Variants in MROH1 observed in about 807,000 individuals in gnomAD.
The protein encoded by MROH1 is maestro heat-like repeat-containing protein family member 1.
In MROH1, 117 loss-of-function variants were observed where a neutral mutation model predicts 116.5. The observed-to-expected ratio is 1.00, with a 90% CI of 0.86 to 1.17. MROH1 has a LOEUF of 1.17. MROH1 is among the 50% of genes most tolerant of loss of function. The probability of loss-of-function intolerance (pLI) is 0.00; values close to 1 mark genes in which losing one functional copy is unlikely to be tolerated. For synonymous variants in MROH1, 921 were observed against 583.9 expected, an observed-to-expected ratio of 1.58 and a Z score of -8.32; for missense variants, 1,873 against 1,338.5, an observed-to-expected ratio of 1.40 and a Z score of -6.23.
chr8:144,152,722 A>G (rs1464723794), intron 1 of MROH1, among the ~76,000 whole-genome samples: 2 of 151,526 alleles, frequency 1.3e-5, no homozygotes, highest in African/African-American at 4.9e-5. Flanking sequence ...AATTTTTTGT[A>G]TTTTTTAGTA....
chr8:144,153,099 C>G (rs1455765493), intron 1 of MROH1, among the ~76,000 whole-genome samples: 1 of 152,178 alleles, frequency 6.6e-6, no homozygotes, highest in Admixed American at 6.5e-5. Context: ...AGTTGGGATT[C>G]CACGTGTGAG....
At chr8:144,156,479 G>A (rs1297301196) in intron 1 of MROH1, among the ~76,000 whole-genome samples, 2 of 151,982 alleles carry the variant, frequency 1.3e-5, no homozygotes, top group South Asian at 2.1e-4. Flanking sequence ...GGCCGAGGCC[G>A]GCGGATTGCC....
rs928879397 is a variant in MROH1, at chr8:144,182,715, C to A, written c.562+2192C>A. Among the ~76,000 whole-genome samples the A allele has an allele frequency of 1.3e-5, 2 of 152,214 alleles. No individual in the cohort carries two copies. The highest frequency in any genetic ancestry group is 4.8e-5 in the African/African-American group (2 of 41,536). On this transcript the variant is annotated intron_variant, in intron 7 of 43. Coordinates refer to ENST00000326134, the MANE Select transcript of MROH1 (RefSeq NM_032450.3). The surrounding 1 kb of genome is among the most constrained non-coding windows in gnomAD (Gnocchi z 4.1). ...TGAACTAGCAGGCTGAACCCTGAAG[C>A]CAGCATTCCAATCAGAGGCACCCTA...
chr8:144,260,030 C>CA lies in MROH1; in HGVS notation c.4166dup (p.Asn1389LysfsTer8). Reference sequence around the variant, plus strand: ...GGAGGCTGGTGCTCCGCGGCCTGGCCAACCTGGCCTCCGGCTGCCCTGACA... The same window carrying CA: ...GGAGGCTGGTGCTCCGCGGCCTGGCCAAACCTGGCCTCCGGCTGCCCTGACA... On this transcript the variant is annotated frameshift_variant, in exon 38 of 44. Coordinates refer to ENST00000326134, the MANE Select transcript of MROH1 (RefSeq NM_032450.3). LOFTEE classifies it high-confidence loss of function. 4 of 725,504 alleles carry CA rather than the reference C, an allele frequency of 5.5e-6. No homozygotes were observed. Among genetic ancestry groups the CA allele is most frequent in the Non-Finnish European group, 7.5e-6 (3 of 397,352 alleles). The allele number at this position is 725,504 out of a possible 1,614,324, so 44.9% of individuals were successfully genotyped here. A position where few individuals can be genotyped will look rare whatever the true frequency, so the allele number is the denominator to read the frequency against.
In MROH1 at chr8:144,240,646, T is replaced by C. The variant is rs1228183668; in HGVS notation, c.1904T>C (p.Leu635Pro). The change falls in exon 20 of 44, where the codon CTG becomes CCG. Residue 635 changes from leucine (L) to proline (P), a missense_variant. Leu to Pro is a moderately conservative substitution (Grantham distance 98). Coordinates refer to ENST00000326134, the MANE Select transcript of MROH1 (RefSeq NM_032450.3). ...CQLSLELCRQ[L>P]PCYDEAPQEK... is the part of the protein sequence containing the mutation. ...CTGAGCCTGGAGCTGTGCAGGCAGC[T>C]GCCCTGCTACGATGAGGCACCCCAG... 3 of 717,340 alleles carry C rather than the reference T, an allele frequency of 4.2e-6. No homozygotes were observed. In the East Asian group the frequency reaches 8.0e-5, roughly 19 times the overall value. 44.4% of individuals were successfully genotyped at this position (717,340 alleles called of 1,614,324 possible).
intron 36 of MROH1, 44 bp downstream of exon 36, chr8:144,258,958 C>A: frequency 1.4e-6 from 1 of 695,124 alleles, no homozygotes; most frequent in East Asian, 2.7e-5. Flanking sequence ...TGGCTGGGCT[C>A]CACCGGATCT....
intron 14 of MROH1, among the ~76,000 whole-genome samples, chr8:144,228,129 A>G (rs1452653335): frequency 6.6e-6 from 1 of 151,986 alleles, no homozygotes; most frequent in African/African-American, 2.4e-5. Context: ...CAGCTGCTCA[A>G]GAGGCTGAGG....
chr8:144,226,735 G>A (rs1006218823), intron 14 of MROH1, among the ~76,000 whole-genome samples: 1 of 152,268 alleles, frequency 6.6e-6, no homozygotes, highest in African/African-American at 2.4e-5. Context: ...TTACAGGCGT[G>A]AGCCACCATG....
At chr8:144,205,944 C>T (rs1832717324) in intron 12 of MROH1, among the ~76,000 whole-genome samples, 1 of 152,180 alleles carries the variant, frequency 6.6e-6, no homozygotes, top group African/African-American at 2.4e-5. Flanking sequence ...ATTGTTCACC[C>T]ATATGACTAC....
At chr8:144,221,330 A>C (rs1245918079) in intron 13 of MROH1, among the ~76,000 whole-genome samples, 1 of 152,162 alleles carries the variant, frequency 6.6e-6, no homozygotes, top group African/African-American at 2.4e-5. Context: ...CATTCTTACC[A>C]GGCCAGATGT....
At chr8:144,208,900 T>G (rs1353376415) in intron 12 of MROH1, among the ~76,000 whole-genome samples, 2 of 151,880 alleles carry the variant, frequency 1.3e-5, no homozygotes, top group African/African-American at 4.8e-5. Context: ...ATTTTTGTGT[T>G]TTTAGTAGAG....
In MROH1 at chr8:144,168,341, G is replaced by A. The variant is rs373174190; in HGVS notation, c.69G>A (p.Leu23=). Reference sequence around the variant, plus strand: ...ACGCCATCACCGATAAGGACCCCCTGGTGCAGGAGCAGGTCTGCAGTGCCC... The same window carrying A: ...ACGCCATCACCGATAAGGACCCCCTAGTGCAGGAGCAGGTCTGCAGTGCCC... The part of the protein sequence containing the change: ...LLDAITDKDP[L]VQEQVCSALC... Residue 23 remains leucine (L), a synonymous_variant, in exon 4 of 44, where the codon CTG becomes CTA. Coordinates refer to ENST00000326134, the MANE Select transcript of MROH1 (RefSeq NM_032450.3). 24 of 1,610,436 alleles carry A rather than the reference G, an allele frequency of 1.5e-5. No homozygotes were observed. The South Asian group carries it at 2.4e-4, about 16-fold the overall frequency.
In MROH1 at chr8:144,216,238, G is replaced by C. The variant is rs141505119; in HGVS notation, c.1142-4362G>C. Among the ~76,000 whole-genome samples the C allele has an allele frequency of 2.9e-3, 448 of 152,076 alleles. 3 individuals are homozygous for C. The highest frequency in any genetic ancestry group is 0.01 in the African/African-American group (423 of 41,468). ...GCCTGTAATCCCAGCACTTTTGGAGGCTGAGGTGGGCAGATCACGAGGTCA... is the reference window on the plus strand; with the variant it reads ...GCCTGTAATCCCAGCACTTTTGGAGCCTGAGGTGGGCAGATCACGAGGTCA... On this transcript the variant is annotated intron_variant, in intron 12 of 43. Coordinates refer to ENST00000326134, the MANE Select transcript of MROH1 (RefSeq NM_032450.3).
rs1257333638 is a variant in MROH1, at chr8:144,239,324, G to A, written c.1593G>A (p.Ala531=). The change falls in exon 17 of 44, where the codon GCG becomes GCA. Residue 531 remains alanine, a splice_region_variant and synonymous_variant. Coordinates refer to ENST00000326134, the MANE Select transcript of MROH1 (RefSeq NM_032450.3). ...ACTATTTCCACCTCTCATCTCCAGC[G>A]AGCCTCCCGTCTCCCTATGCTGTAA... is the stretch of plus-strand genomic sequence containing the variant. The part of the protein sequence containing the change: ...DAFLIQYDAH[A]SLPSPYAVTG... 48 of 780,050 alleles carry A rather than the reference G, an allele frequency of 6.2e-5. 1 individual carries two copies. The highest frequency in any genetic ancestry group is 9.6e-5 in the Non-Finnish European group (40 of 417,788). 48.3% of individuals were successfully genotyped at this position (780,050 alleles called of 1,614,324 possible). A position where few individuals can be genotyped will look rare whatever the true frequency, so the allele number is the denominator to read the frequency against.
intron 12 of MROH1, among the ~76,000 whole-genome samples, chr8:144,201,466 A>T (rs1461778976): frequency 1.3e-5 from 2 of 152,232 alleles, no homozygotes; most frequent in African/African-American, 2.4e-5. Flanking sequence ...CACAGTGGCC[A>T]TGGCCCACCG....
At chr8:144,238,907 T>C in intron 15 of MROH1, 44 bp downstream of exon 15, 1 of 769,594 alleles carries the variant, frequency 1.3e-6, no homozygotes, top group Non-Finnish European at 2.4e-6. Context: ...AACAGAGCTC[T>C]CCAGGGCAGT....
chr8:144,226,464 T>C (rs1222197365), intron 14 of MROH1, among the ~76,000 whole-genome samples: 1 of 152,198 alleles, frequency 6.6e-6, no homozygotes, highest in Non-Finnish European at 1.5e-5. Flanking sequence ...CGTTGTTCTT[T>C]TTTTTTGAGA....
rs962228987 is a variant in MROH1, at chr8:144,261,669, C to A, written c.4855C>A (p.Leu1619Met). The A allele has an allele frequency of 9.7e-6, 7 of 724,260 alleles. No homozygotes were observed. Among genetic ancestry groups the A allele is most frequent in the Middle Eastern group, 3.5e-4 (1 of 2,834 alleles). The allele number at this position is 724,260 out of a possible 1,614,324, so 44.9% of individuals were successfully genotyped here. A position where few individuals can be genotyped will look rare whatever the true frequency, so the allele number is the denominator to read the frequency against. Residue 1619 changes from leucine (L) to methionine (M), a missense_variant, in exon 44 of 44, where the codon CTG becomes ATG. Transcript: ENST00000326134. ...DQLIAALQIL[L>M]KDPAPEVRTR... The stretch of plus-strand genomic sequence containing the variant: ...TCTACCCCCAGCGCTCCAGATCCTG[C>A]TGAAGGACCCGGCCCCCGAGGTGCG...
intron 9 of MROH1, 112 bp downstream of exon 9, chr8:144,191,967 A>T (rs563400387): frequency 7.8e-7 from 1 of 1,281,802 alleles, no homozygotes; most frequent in Non-Finnish European, 1.1e-6. Flanking sequence ...GGTGGCCCTG[A>T]GTTCTCTGCT....
Sources: gnomAD v4.1 joint callset for allele counts (sites outside exome capture counted in the v4.1 genomes callset) on GRCh38, gnomAD v4.1.1 for gene constraint, Gnocchi (gnomAD v3.1) non-coding constraint, MANE v1.5 for transcripts, NCBI Gene and HGNC (gene_info 2026-07-23, HGNC 2026-07-21) for gene names.